The following SGCD variants were observed in gnomAD, a reference collection of about 807,000 sequenced individuals.
The protein encoded by SGCD is sarcoglycan delta.
Under a neutral mutation model 36.6 loss-of-function variants are expected in SGCD, and 18 were observed. That is an observed-to-expected ratio of 0.49 (90% confidence interval 0.34 to 0.73). The LOEUF is 0.73. Among genes scored for constraint, SGCD ranks in the 30% least tolerant of loss-of-function variants. The pLI is 0.01. For missense variants in SGCD, 387 were observed against 346.7 expected (o/e 1.12, Z -0.92); for synonymous variants, 133 against 130.6 (o/e 1.02, Z -0.12).
At chr5:156,697,383 C>T (rs1754361250) in intron 7 of SGCD, among the ~76,000 whole-genome samples, 1 of 152,120 alleles carries the variant, frequency 6.6e-6, no homozygotes, top group Admixed American at 6.6e-5. Context: ...ATTCTGCTCC[C>T]CACATGTGTA....
chr5:155,928,670 A>G (rs1207589792), intron 1 of SGCD, among the ~76,000 whole-genome samples: 1 of 116,784 alleles, frequency 8.6e-6, no homozygotes, highest in Non-Finnish European at 2.0e-5. Flanking sequence ...CTGTCTCAAA[A>G]AAAAAAAAAA....
intron 2 of SGCD, among the ~76,000 whole-genome samples, chr5:156,338,435 G>A (rs928413568): frequency 1.3e-5 from 2 of 152,120 alleles, no homozygotes; most frequent in African/African-American, 4.8e-5. Flanking sequence ...TCTTCTCAAT[G>A]ACCTGTAAGA....
intron 4 of SGCD, among the ~76,000 whole-genome samples, chr5:156,517,667 C>A (rs373120634): frequency 6.6e-6 from 1 of 152,138 alleles, no homozygotes; most frequent in South Asian, 2.1e-4. Flanking sequence ...ACCCTACAAG[C>A]TAGAAGAGAT....
chr5:155,755,259 TA>T, the SGCD span, among the ~76,000 whole-genome samples: 36 of 152,358 alleles, frequency 2.4e-4, no homozygotes, highest in East Asian at 6.0e-3. Context: ...ACACATTTAT[TA>T]AAACAAAAAG....
chr5:155,732,403 G>A, the SGCD span, among the ~76,000 whole-genome samples: 3 of 152,218 alleles, frequency 2.0e-5, no homozygotes, highest in African/African-American at 2.4e-5. Flanking sequence ...CGTGGTAGCT[G>A]CTAATCCTAA....
intron 1 of SGCD, among the ~76,000 whole-genome samples, chr5:155,928,666 CAAAAAAAAA>C (rs58548934): frequency 3.1e-4 from 21 of 68,216 alleles, no homozygotes; most frequent in African/African-American, 1.4e-3. Flanking sequence ...GACTCTGTCT[CAAAAAAAAA>C]AAAAAAAAAA....
chr5:156,259,841 C>A (rs908131363), intron 3 of SGCD, among the ~76,000 whole-genome samples: 1 of 152,122 alleles, frequency 6.6e-6, no homozygotes, highest in Non-Finnish European at 1.5e-5. Context: ...CACACTCTTG[C>A]CCTCTCACTA....
At chr5:156,728,368 C>T (rs939272363) in intron 7 of SGCD, among the ~76,000 whole-genome samples, 1 of 151,744 alleles carries the variant, frequency 6.6e-6, no homozygotes, top group African/African-American at 2.4e-5. Context: ...CAAAACTAGC[C>T]GAGTGTGGTG....
chr5:156,364,363 G>A (rs1769975161), intron 3 of SGCD, among the ~76,000 whole-genome samples: 1 of 125,424 alleles, frequency 8.0e-6, no homozygotes, highest in African/African-American at 2.8e-5. Flanking sequence ...TTAGTGTCAG[G>A]GCTACATTTT....
chr5:156,567,381 G>A (rs5004814), intron 4 of SGCD, among the ~76,000 whole-genome samples: 6,869 of 32,718 alleles, frequency 0.21, 194 homozygotes, highest in Admixed American at 0.25. Context: ...TAGATAAATA[G>A]ATAGATAGAT....
chr5:156,213,756 A>G (rs963682440), intron 3 of SGCD, among the ~76,000 whole-genome samples: 1 of 152,066 alleles, frequency 6.6e-6, no homozygotes, highest in African/African-American at 2.4e-5. Flanking sequence ...CAGCACATTA[A>G]AAGTCATTCA....
At chr5:156,129,306 T>C (rs932984642) in intron 3 of SGCD, among the ~76,000 whole-genome samples, 2 of 152,198 alleles carry the variant, frequency 1.3e-5, no homozygotes, top group South Asian at 4.1e-4. Context: ...GGGATAGGTA[T>C]CATTATTCCT....
At position 156,005,765 on chromosome 5, in the gene SGCD, A is replaced by G. The variant is rs192516340; in HGVS notation, c.-281-112113A>G. ...GTGCCCGGCCTTTTGTTTTGTTTTA[A>G]TGTCAAGCGTTGTTTTTAACCATGC... On this transcript the variant is annotated intron_variant, in intron 1 of 9. Coordinates refer to the SGCD transcript ENST00000517913. 3.4e-3 allele frequency among the ~76,000 whole-genome samples: 521 copies of G among 152,188 alleles called. 6 individuals carry two copies. Among genetic ancestry groups the G allele is most frequent in the African/African-American group, 0.012 (497 of 41,526 alleles).
At chr5:156,438,032 G>T (rs1580992835) in intron 3 of SGCD, among the ~76,000 whole-genome samples, 1 of 152,240 alleles carries the variant, frequency 6.6e-6, no homozygotes, top group East Asian at 1.9e-4. Flanking sequence ...GGATACATTG[G>T]GGAGGCTGGA....
intron 4 of SGCD, among the ~76,000 whole-genome samples, chr5:156,565,604 T>C (rs1759447912): frequency 6.6e-6 from 1 of 152,174 alleles, no homozygotes; most frequent in Non-Finnish European, 1.5e-5. Context: ...CGTGCAGGTT[T>C]GTTACAAAGG....
intron 3 of SGCD, among the ~76,000 whole-genome samples, chr5:156,458,816 A>C (rs1219028622): frequency 3.3e-5 from 5 of 152,200 alleles, no homozygotes; most frequent in Admixed American, 6.5e-5. Context: ...GCCTTTGTTA[A>C]GTGTTTAAAC....
chr5:155,985,739 C>T (rs931083021), intron 1 of SGCD, among the ~76,000 whole-genome samples: 2 of 152,164 alleles, frequency 1.3e-5, no homozygotes, highest in African/African-American at 4.8e-5. Flanking sequence ...TGCCTGGCCT[C>T]AAACCATTTA....
At chr5:156,195,672 C>G (rs1764008130) in intron 3 of SGCD, among the ~76,000 whole-genome samples, 2 of 152,118 alleles carry the variant, frequency 1.3e-5, no homozygotes, top group Non-Finnish European at 2.9e-5. Flanking sequence ...CAAACCTAAA[C>G]CTGCTCTTCC....
intron 1 of SGCD, among the ~76,000 whole-genome samples, chr5:156,049,224 G>C (rs1206275813): frequency 1.4e-5 from 2 of 146,280 alleles, no homozygotes; most frequent in East Asian, 3.8e-4. Flanking sequence ...TTTGGTTACT[G>C]TAGGCTTGTA....
Sources: allele counts gnomAD v4.1 joint callset (sites outside exome capture counted in the v4.1 genomes callset), GRCh38; gene constraint gnomAD v4.1.1; transcripts MANE v1.5; gene names NCBI Gene and HGNC (gene_info 2026-07-23, HGNC 2026-07-21).